PPP2R2C: variants seen among roughly 807,000 people sequenced by gnomAD.
PPP2R2C encodes protein phosphatase 2 regulatory subunit Bgamma, also known as protein phosphatase 2, regulatory subunit B, gamma.
A neutral mutation model predicts 45.3 loss-of-function variants in PPP2R2C; 10 were observed. That is an observed-to-expected ratio of 0.22 (90% CI 0.14 to 0.37). PPP2R2C has a LOEUF of 0.37. Ranked by LOEUF, PPP2R2C falls within the 10% of genes least tolerant of loss-of-function variation. The pLI, the probability that PPP2R2C is intolerant of heterozygous loss-of-function variation, is 1.00. For synonymous variants in PPP2R2C, 257 were observed against 245.4 expected, an observed-to-expected ratio of 1.05 and a Z score of -0.44; for missense variants, 308 against 619.7, an observed-to-expected ratio of 0.50 and a Z score of 5.34.
chr4:6,510,992 A>AAC (rs1560592913), intron 2 of PPP2R2C, among the ~76,000 whole-genome samples: 2 of 84,482 alleles, frequency 2.4e-5, no homozygotes, highest in Non-Finnish European at 5.6e-5. Context: ...AAAAAAAACA[A>AAC]ACAAACAAAA....
At chr4:6,372,829 G>T in intron 4 of PPP2R2C, 129 bp from the exon 5 acceptor site, 2 of 945,202 alleles carry the variant, frequency 2.1e-6, no homozygotes, top group Non-Finnish European at 3.2e-6. Flanking sequence ...GATCCTCCGT[G>T]GTCTGAAATA....
In PPP2R2C at chr4:6,548,905, T is replaced by G. The variant is rs192327859; in HGVS notation, c.-58-13528A>C. Among the ~76,000 whole-genome samples the G allele has an allele frequency of 1.6e-4, 25 of 152,264 alleles. No homozygotes were observed. In the East Asian group the frequency reaches 4.6e-3, roughly 28 times the overall value. Reference sequence around the variant, plus strand: ...TCGCACCTCCTTCTGCCCACCTCCCTAAATGAACAGTGCCCGTCCCTTGGC... The same window carrying G: ...TCGCACCTCCTTCTGCCCACCTCCCGAAATGAACAGTGCCCGTCCCTTGGC... On this transcript the variant is annotated intron_variant, in intron 1 of 9. Transcript: ENST00000506140.
intron 2 of PPP2R2C, chr4:6,535,173 C>G: frequency 5.1e-6 from 7 of 1,369,450 alleles, no homozygotes; most frequent in Non-Finnish European, 6.0e-6. Flanking sequence ...GTCGGCTTCC[C>G]GCTGTCAGGC....
chr4:6,511,273 C>G (rs1202349847), intron 2 of PPP2R2C, among the ~76,000 whole-genome samples: 13 of 140,016 alleles, frequency 9.3e-5, no homozygotes, highest in Non-Finnish European at 1.7e-4. Context: ...GATGCTGATG[C>G]TGATGCTGAT....
chr4:6,469,069 C>A (rs1457586653), intron 1 of PPP2R2C, among the ~76,000 whole-genome samples: 1 of 110,962 alleles, frequency 9.0e-6, no homozygotes, highest in African/African-American at 3.5e-5. Flanking sequence ...GCCACCCAGC[C>A]CTGCCACCAA....
At chr4:6,396,840 A>G (rs1466373688) in intron 1 of PPP2R2C, among the ~76,000 whole-genome samples, 1 of 152,178 alleles carries the variant, frequency 6.6e-6, no homozygotes, top group Non-Finnish European at 1.5e-5. Flanking sequence ...ATGAATACTC[A>G]AGCCAGGGCT....
Position 6,381,034 on chromosome 4 carries a change from T to C in PPP2R2C, c.131A>G (p.Lys44Arg). The stretch of plus-strand genomic sequence containing the variant: ...CTGGAAGATGACGACCCGGCCGCCC[T>C]TGTCACCTGTGGCCAGCAGCTCTCC... ...HTGELLATGD[K>R]GGRVVIFQRE... The change falls in exon 2 of 9, where the codon AAG becomes AGG. Residue 44 changes from lysine to arginine, a missense_variant. By Grantham distance (26) the Lys-to-Arg change is conservative (BLOSUM62 2). Transcript: ENST00000382599. 3.2e-6 allele frequency: 5 copies of C among 1,566,746 alleles called. No individual in the cohort carries two copies. Among genetic ancestry groups the C allele is most frequent in the Non-Finnish European group, 4.3e-6 (5 of 1,152,212 alleles).
intron 2 of PPP2R2C, among the ~76,000 whole-genome samples, chr4:6,477,684 G>C (rs113545253): frequency 0.12 from 17,638 of 142,502 alleles, 1,190 homozygotes; most frequent in Non-Finnish European, 0.16. Flanking sequence ...CAAGATCGCG[G>C]CACTGTACTC....
intron 6 of PPP2R2C, among the ~76,000 whole-genome samples, chr4:6,341,726 A>G (rs536616209): frequency 6.6e-5 from 10 of 152,274 alleles, no homozygotes; most frequent in South Asian, 6.2e-4. Flanking sequence ...AAGGTCAAAG[A>G]TGGAAGAAAG....
At chr4:6,326,674 T>C (rs932853804) in intron 8 of PPP2R2C, among the ~76,000 whole-genome samples, 1 of 152,198 alleles carries the variant, frequency 6.6e-6, no homozygotes, top group Non-Finnish European at 1.5e-5. Flanking sequence ...AGAACCACTT[T>C]CCAGCCGAGC....
At chr4:6,507,845 G>A (rs184166839) in intron 2 of PPP2R2C, among the ~76,000 whole-genome samples, 12 of 152,336 alleles carry the variant, frequency 7.9e-5, no homozygotes, top group Non-Finnish European at 8.8e-5. Context: ...GGTAAATCAT[G>A]TTTCTTCCTT....
intron 1 of PPP2R2C, among the ~76,000 whole-genome samples, chr4:6,406,295 T>G (rs73798230): frequency 1.3e-5 from 2 of 152,144 alleles, no homozygotes; most frequent in East Asian, 1.9e-4. Context: ...CATGGGGAAG[T>G]TGGTCTTTCT....
chr4:6,501,132 T>A (rs769508098), intron 2 of PPP2R2C, among the ~76,000 whole-genome samples: 7 of 152,226 alleles, frequency 4.6e-5, no homozygotes, highest in Non-Finnish European at 8.8e-5. Flanking sequence ...TGCTGTTTTG[T>A]GACAAATGTA....
At chr4:6,384,595 T>C (rs1716091195) in intron 1 of PPP2R2C, 6 of 985,170 alleles carry the variant, frequency 6.1e-6, no homozygotes, top group South Asian at 4.7e-5. Context: ...ATTTTTATGA[T>C]GGGAACATAA....
chr4:6,465,067 C>T (rs1384790348), intron 1 of PPP2R2C, among the ~76,000 whole-genome samples: 3 of 152,084 alleles, frequency 2.0e-5, no homozygotes, highest in East Asian at 3.9e-4. Context: ...GACTTGGGGG[C>T]GGGGCCAAGG....
At chr4:6,528,109 C>T (rs1197591363) in intron 2 of PPP2R2C, among the ~76,000 whole-genome samples, 3 of 152,260 alleles carry the variant, frequency 2.0e-5, no homozygotes, top group Admixed American at 6.5e-5. Flanking sequence ...CACCTGGTTA[C>T]GGGCTGTGAA....
In PPP2R2C at chr4:6,335,850, T is replaced by TC. The variant is rs560031299; in HGVS notation, c.791-2120dup. ...ATCAGAGCAGGCAGCAGGAGGAAGGTCCCCCCCACCTCTCTTGAGAGCAAG... is the reference window on the plus strand; with the variant it reads ...ATCAGAGCAGGCAGCAGGAGGAAGGTCCCCCCCCACCTCTCTTGAGAGCAAG... On this transcript the variant is annotated intron_variant, in intron 6 of 8. Transcript: ENST00000382599. Among the ~76,000 whole-genome samples, 18 of 151,350 alleles carry TC rather than the reference T, an allele frequency of 1.2e-4. No individual in the cohort carries two copies. The East Asian group carries it at 1.4e-3, about 12-fold the overall frequency.
intron 1 of PPP2R2C, among the ~76,000 whole-genome samples, chr4:6,425,566 G>A (rs918586825): frequency 2.6e-5 from 4 of 152,220 alleles, no homozygotes; most frequent in African/African-American, 9.6e-5. Context: ...CCCCCATGAC[G>A]TGTGAACCTG....
intron 1 of PPP2R2C, among the ~76,000 whole-genome samples, chr4:6,464,901 A>AAGGAAGGAAGGG (rs1361193724): frequency 2.2e-5 from 3 of 137,238 alleles, no homozygotes; most frequent in African/African-American, 7.9e-5. Context: ...AGAGAGAGAG[A>AAGGAAGGAAGGG]AGGAAGGAAG....
Sources: gnomAD v4.1 joint callset for allele counts (sites outside exome capture counted in the v4.1 genomes callset) on GRCh38, gnomAD v4.1.1 for gene constraint, MANE v1.5 for transcripts, NCBI Gene and HGNC (gene_info 2026-07-23, HGNC 2026-07-21) for gene names.